Variants in NRXN1 observed in about 807,000 individuals in gnomAD.
NRXN1 encodes the protein neurexin 1.
NRXN1 carries 39 observed loss-of-function variants against 150.9 expected under a neutral mutation model. The ratio of observed to expected loss-of-function variants is 0.26; its 90% CI spans 0.20 to 0.34. The LOEUF is 0.34. Among genes scored for constraint, NRXN1 ranks in the 10% least tolerant of loss-of-function variants. The pLI is 1.00. For missense variants in NRXN1, 1,815 were observed against 1,949.9 expected (o/e 0.93, Z 1.30); for synonymous variants, 924 against 757.0 (o/e 1.22, Z -3.62).
At chr2:50,278,286 A>T (rs370018750) in intron 17 of NRXN1, among the ~76,000 whole-genome samples, 1 of 69,216 alleles carries the variant, frequency 1.4e-5, no homozygotes, top group Non-Finnish European at 2.9e-5. Flanking sequence ...TATATATATA[A>T]TACATATATA....
chr2:50,572,510 C>T (rs1670808786), intron 8 of NRXN1, among the ~76,000 whole-genome samples: 1 of 152,136 alleles, frequency 6.6e-6, no homozygotes. Flanking sequence ...ATAGCCATCA[C>T]TGATTATTTC....
At chr2:50,905,996 T>C (rs1309643023) in intron 5 of NRXN1, among the ~76,000 whole-genome samples, 1 of 152,116 alleles carries the variant, frequency 6.6e-6, no homozygotes, top group Non-Finnish European at 1.5e-5. Context: ...TTTTGGAATA[T>C]GTGCAGAAAT....
chr2:50,168,910 C>T (rs10199314), intron 18 of NRXN1, among the ~76,000 whole-genome samples: 11,011 of 152,164 alleles, frequency 0.072, 536 homozygotes, highest in Non-Finnish European at 0.1. Flanking sequence ...TCCCCAACAC[C>T]AACAGTTCAC....
chr2:50,678,011 G>A (rs2104775388), intron 5 of NRXN1, among the ~76,000 whole-genome samples: 1 of 151,934 alleles, frequency 6.6e-6, no homozygotes, highest in South Asian at 2.1e-4. Context: ...TATCATCTTA[G>A]CATTCAAAAT....
rs1323306682 is a variant in NRXN1, at chr2:50,522,719, C to CCTTTTTTTTTTTTT, written c.2374+5905_2374+5906insAAAAAAAAAAAAAG. On this transcript the variant is annotated intron_variant, in intron 12 of 22. Transcript: ENST00000401669. ...TTCCATTTATTCATTTATTTTTATT[C>CCTTTTTTTTTTTTT]ATTTTTTTTTTTTTTTTTTTTTTTT... Among the ~76,000 whole-genome samples, 63 of 86,592 alleles carry CCTTTTTTTTTTTTT rather than the reference C, an allele frequency of 7.3e-4. 23 individuals carry two copies. The highest frequency in any genetic ancestry group is 8.4e-4 in the African/African-American group (14 of 16,764). The allele number at this position is 86,592 out of a possible 152,430, so 56.8% of individuals were successfully genotyped here.
At chr2:50,559,147 T>C (rs1321628202) in intron 8 of NRXN1, among the ~76,000 whole-genome samples, 1 of 152,176 alleles carries the variant, frequency 6.6e-6, no homozygotes, top group African/African-American at 2.4e-5. Context: ...CAGAATTTAA[T>C]TATCATTTTC....
chr2:50,191,944 T>G (rs924443348), intron 18 of NRXN1, among the ~76,000 whole-genome samples: 2 of 152,186 alleles, frequency 1.3e-5, no homozygotes, highest in African/African-American at 4.8e-5. Context: ...TAGGAAGACA[T>G]ATCTAAATTA....
At chr2:50,193,471 T>G (rs374014460) in intron 18 of NRXN1, among the ~76,000 whole-genome samples, 39 of 152,298 alleles carry the variant, frequency 2.6e-4, no homozygotes, top group South Asian at 1.9e-3. Flanking sequence ...CAACTTTCAG[T>G]GATATTTATA....
intron 5 of NRXN1, among the ~76,000 whole-genome samples, chr2:50,908,029 C>G (rs565857873): frequency 6.6e-6 from 1 of 152,208 alleles, no homozygotes; most frequent in East Asian, 1.9e-4. Flanking sequence ...GGGCTTTTAA[C>G]TATTGATGAG....
chr2:50,608,656 T>A (rs1677531911), intron 8 of NRXN1, among the ~76,000 whole-genome samples: 1 of 152,086 alleles, frequency 6.6e-6, no homozygotes, highest in African/African-American at 2.4e-5. Flanking sequence ...GAAAGATTGG[T>A]TTCAATCCTT....
At chr2:50,543,833 A>T (rs2093437371) in intron 9 of NRXN1, among the ~76,000 whole-genome samples, 1 of 152,180 alleles carries the variant, frequency 6.6e-6, no homozygotes, top group East Asian at 1.9e-4. Flanking sequence ...TGATGTCAAG[A>T]GTTAAATTAC....
intron 5 of NRXN1, among the ~76,000 whole-genome samples, chr2:50,830,919 G>C (rs1671319538): frequency 6.6e-6 from 1 of 151,884 alleles, no homozygotes; most frequent in Non-Finnish European, 1.5e-5. Flanking sequence ...GTTCGTAGCA[G>C]CGCTATTTAT....
At chr2:50,363,691 C>T (rs2079383299) in intron 17 of NRXN1, among the ~76,000 whole-genome samples, 1 of 152,190 alleles carries the variant, frequency 6.6e-6, no homozygotes, top group African/African-American at 2.4e-5. Flanking sequence ...GGCGATTCCT[C>T]ATAGATCTAG....
At chr2:51,014,667 T>C (rs4971721) in intron 2 of NRXN1, among the ~76,000 whole-genome samples, 2 of 151,812 alleles carry the variant, frequency 1.3e-5, no homozygotes, top group African/African-American at 4.8e-5. Flanking sequence ...GGCCTCAGGA[T>C]TTACGCAGCT....
At chr2:50,191,477 T>C (rs965969921) in intron 18 of NRXN1, among the ~76,000 whole-genome samples, 1 of 152,208 alleles carries the variant, frequency 6.6e-6, no homozygotes, top group Non-Finnish European at 1.5e-5. Flanking sequence ...TAGGTAGTTT[T>C]ATCATATGTG....
In NRXN1 at chr2:50,880,982, G is replaced by C. The variant is rs1260378095; in HGVS notation, c.832+40887C>G. ...TGTCTCAACGGTGTCAGGACACAGAGAAGTCAAGAGATATAGACCAGATTT... is the reference window on the plus strand; with the variant it reads ...TGTCTCAACGGTGTCAGGACACAGACAAGTCAAGAGATATAGACCAGATTT... On this transcript the variant is annotated intron_variant, in intron 5 of 22. Transcript: ENST00000401669. 2.0e-5 allele frequency among the ~76,000 whole-genome samples: 3 copies of C among 151,916 alleles called. No individual in the cohort carries two copies. The South Asian group carries it at 6.2e-4, about 31-fold the overall frequency.
intron 17 of NRXN1, among the ~76,000 whole-genome samples, chr2:50,371,386 C>A (rs1050822549): frequency 6.6e-6 from 1 of 151,976 alleles, no homozygotes; most frequent in Non-Finnish European, 1.5e-5. Context: ...CCTTGCTCTC[C>A]ATTTCCATTT....
At chr2:50,897,342 T>C (rs1559409928) in intron 5 of NRXN1, among the ~76,000 whole-genome samples, 1 of 152,150 alleles carries the variant, frequency 6.6e-6, no homozygotes, top group Admixed American at 6.5e-5. Flanking sequence ...CAACACAAAA[T>C]TTTTCTCAAA....
intron 5 of NRXN1, among the ~76,000 whole-genome samples, chr2:50,657,620 A>T (rs1410226509): frequency 6.6e-6 from 1 of 151,948 alleles, no homozygotes; most frequent in African/African-American, 2.4e-5. Context: ...TTTTCTAGAG[A>T]AGTGGTGGGT....
Sources: gnomAD v4.1 joint callset for allele counts (sites outside exome capture counted in the v4.1 genomes callset) on GRCh38, gnomAD v4.1.1 for gene constraint, MANE v1.5 for transcripts, NCBI Gene and HGNC (gene_info 2026-07-23, HGNC 2026-07-21) for gene names.